PRPSAP1: variants seen among roughly 807,000 people sequenced by gnomAD.
PRPSAP1 encodes the protein phosphoribosyl pyrophosphate synthase-associated protein 1.
PRPSAP1 carries 31 observed loss-of-function variants against 39.4 expected under a neutral mutation model. The ratio of observed to expected loss-of-function variants is 0.79; its 90% CI spans 0.59 to 1.06. The LOEUF is 1.06. Ranked by LOEUF, PRPSAP1 falls within the 50% of genes least tolerant of loss-of-function variation. PRPSAP1 has a pLI of 0.00. For missense variants in PRPSAP1, 430 were observed against 511.6 expected (o/e 0.84, Z 1.54); for synonymous variants, 212 against 192.6 (o/e 1.10, Z -0.83).
chr17:76,314,228 G>GTATGTATGTATGTATGT (rs149061354), intron 7 of PRPSAP1: 4,405 of 275,198 alleles, frequency 0.016, 223 homozygotes, highest in African/African-American at 0.092. Context: ...ATGTATGTAT[G>GTATGTATGTATGTATGT]TATTTTTTGA....
intron 7 of PRPSAP1, among the ~76,000 whole-genome samples, chr17:76,321,889 A>C (rs958549924): frequency 6.6e-6 from 1 of 152,122 alleles, no homozygotes. Flanking sequence ...ACTGATACAG[A>C]GAAGTTTGAG....
chr17:76,320,266 A>C (rs980270126), intron 7 of PRPSAP1, among the ~76,000 whole-genome samples: 1 of 66,940 alleles, frequency 1.5e-5, no homozygotes, highest in Admixed American at 1.7e-4. Context: ...GAAAGAAAGA[A>C]AAGAAAGAAA....
At chr17:76,332,127 T>C in intron 4 of PRPSAP1, 136 bp downstream of exon 4, 1 of 1,079,394 alleles carries the variant, frequency 9.3e-7, no homozygotes, top group Non-Finnish European at 1.3e-6. Context: ...CGAGCTCACA[T>C]ATCCTTAGCC....
intron 7 of PRPSAP1, chr17:76,319,250 T>G (rs1473374365): frequency 6.6e-6 from 1 of 151,922 alleles, no homozygotes; most frequent in Non-Finnish European, 1.5e-5. Flanking sequence ...TTTCTCGGTC[T>G]TTATCCCACA....
chr17:76,332,550 C>G (rs1437241090), intron 3 of PRPSAP1, 115 bp from the exon 4 acceptor site: 2 of 1,202,296 alleles, frequency 1.7e-6, no homozygotes, highest in Admixed American at 4.6e-5. Flanking sequence ...GGAATTTTAC[C>G]ATCACACTAG....
In PRPSAP1 at chr17:76,353,679, G is replaced by A. The variant is rs1327929205; in HGVS notation, c.25C>T (p.Pro9Ser). ...AAAGCCGAGGACGCGGAGGGCGGGGGCAACAGCAGCAGCTTCTTGGGCATC... is the reference window on the plus strand; with the variant it reads ...AAAGCCGAGGACGCGGAGGGCGGGGACAACAGCAGCAGCTTCTTGGGCATC... MPKKLLLL[P>S]PPSASSAFRV... The change falls in exon 1 of 10, where the codon CCC becomes TCC. Residue 9 changes from proline to serine, a missense_variant. This residue lies in a region of PRPSAP1 where 152 missense variants were observed against 135.2 expected (regional missense o/e 1.12). Coordinates refer to ENST00000446526, the MANE Select transcript of PRPSAP1 (RefSeq NM_002766.3). 8 of 1,511,676 alleles carry A rather than the reference G, an allele frequency of 5.3e-6. No individual in the cohort carries two copies. The South Asian group carries it at 8.7e-5, about 16-fold the overall frequency. The allele number at this position is 1,511,676 out of a possible 1,614,324, so 93.6% of individuals were successfully genotyped here.
chr17:76,338,988 A>G (rs388283), intron 3 of PRPSAP1, among the ~76,000 whole-genome samples: 118,399 of 151,554 alleles, frequency 0.78, 46,512 homozygotes, highest in African/African-American at 0.82. Flanking sequence ...AGCCAAGGTC[A>G]CACCACTGCA....
intron 7 of PRPSAP1, among the ~76,000 whole-genome samples, chr17:76,320,305 A>AAGGAAGGGAGGAAGGG (rs71161281): frequency 7.4e-6 from 1 of 135,290 alleles, no homozygotes; most frequent in Non-Finnish European, 1.5e-5. Flanking sequence ...AAAGAAAAGA[A>AAGGAAGGGAGGAAGGG]AGGAAGGGAG....
At chr17:76,350,482 G>A (rs1034306881) in intron 1 of PRPSAP1, among the ~76,000 whole-genome samples, 11 of 152,032 alleles carry the variant, frequency 7.2e-5, no homozygotes, top group African/African-American at 2.7e-4. Flanking sequence ...TATGACATGA[G>A]GGAGCCTTGG....
At chr17:76,345,145 G>A (rs1272704350) in intron 2 of PRPSAP1, among the ~76,000 whole-genome samples, 1 of 150,318 alleles carries the variant, frequency 6.7e-6, no homozygotes, top group Non-Finnish European at 1.5e-5. Flanking sequence ...TGAGGCAGGA[G>A]AATGGCGTGA....
chr17:76,330,301 T>C (rs1216421803), intron 5 of PRPSAP1: 1 of 599,342 alleles, frequency 1.7e-6, no homozygotes, highest in East Asian at 2.8e-5. Context: ...TTTTTAAAAA[T>C]AATTCTTAAA....
At chr17:76,318,419 T>C (rs1168686524) in intron 7 of PRPSAP1, among the ~76,000 whole-genome samples, 3 of 152,140 alleles carry the variant, frequency 2.0e-5, no homozygotes, top group Non-Finnish European at 4.4e-5. Flanking sequence ...CACTGCACTC[T>C]AGTCTGGGTG....
Position 76,311,688 on chromosome 17 carries a change from T to A in PRPSAP1, c.1012A>T (p.Asn338Tyr), listed in dbSNP as rs769375351. ...ESSVDEVVVT[N>Y]TVPHEVQKLQ... ...TTCTGAACCTCATGAGGGACAGTATTCGTCACCACCACCTAGTCACACAGT... is the reference window on the plus strand; with the variant it reads ...TTCTGAACCTCATGAGGGACAGTATACGTCACCACCACCTAGTCACACAGT... The change falls in exon 10 of 10, where the codon AAT (asparagine) becomes TAT (tyrosine). Residue 338 changes from asparagine to tyrosine, a missense_variant. Physicochemically the swap from Asn to Tyr is moderately radical, Grantham distance 143 (BLOSUM62 -2). This residue lies in a region of PRPSAP1 where 278 missense variants were observed against 376.3 expected (regional missense o/e 0.74). Transcript: ENST00000446526. 3.1e-5 allele frequency: 50 copies of A among 1,613,700 alleles called. No individual in the cohort carries two copies. Among genetic ancestry groups the A allele is most frequent in the Non-Finnish European group, 1.8e-5 (21 of 1,179,908 alleles).
At chr17:76,340,544 C>T (rs569442732) in intron 3 of PRPSAP1, among the ~76,000 whole-genome samples, 9 of 151,706 alleles carry the variant, frequency 5.9e-5, no homozygotes, top group Non-Finnish European at 7.3e-5. Flanking sequence ...AATTCAACTT[C>T]GTATCACAAA....
Position 76,319,990 on chromosome 17 carries a change from C to G in PRPSAP1, c.782-6099G>C, listed in dbSNP as rs112731775. 1.1e-3 allele frequency among the ~76,000 whole-genome samples: 167 copies of G among 152,006 alleles called. 1 individual carries two copies. The highest frequency in any genetic ancestry group is 3.9e-3 in the African/African-American group (163 of 41,478). ...AACTGAGCATTAAAATAAATGTAGG[C>G]TGGGCATGGTGGCTCACATCTGTAA... On this transcript the variant is annotated intron_variant, in intron 7 of 9. Transcript: ENST00000446526.
At position 76,330,668 on chromosome 17, in the gene PRPSAP1, T is replaced by C; in HGVS notation, c.464-2A>G. 1 of 1,592,146 alleles carries C rather than the reference T, an allele frequency of 6.3e-7. No homozygotes were observed. The highest frequency in any genetic ancestry group is 8.6e-7 in the Non-Finnish European group (1 of 1,164,956). On this transcript the variant is annotated splice_acceptor_variant, in intron 4 of 9. Coordinates refer to ENST00000446526, the MANE Select transcript of PRPSAP1 (RefSeq NM_002766.3). LOFTEE classifies it high-confidence loss of function. ...CCATAGTGATAATGTGAGTTAAACCTGAAATTTTAAAACAAAAAATTACAA... is the reference window on the plus strand; with the variant it reads ...CCATAGTGATAATGTGAGTTAAACCCGAAATTTTAAAACAAAAAATTACAA...
chr17:76,330,091 T>C lies in PRPSAP1; in HGVS notation c.587A>G (p.Asn196Ser). 1.2e-6 allele frequency: 2 copies of C among 1,612,948 alleles called. No individual in the cohort carries two copies. The highest frequency in any genetic ancestry group is 1.1e-5 in the South Asian group (1 of 91,048). Reference protein sequence around the residue: ...LLQYIQEEIPNYRNAVIVAKS... With the variant: ...LLQYIQEEIPSYRNAVIVAKS... ...AGCTACAATGACTGCATTTCTGTAA[T>C]TTGGAATCTAGATTTGAAGGAAAAA... Residue 196 changes from asparagine (N) to serine (S), a missense_variant, in exon 6 of 10, where the codon AAT becomes AGT. Physicochemically the swap from Asn to Ser is conservative, Grantham distance 46. Transcript: ENST00000446526.
intron 7 of PRPSAP1, among the ~76,000 whole-genome samples, chr17:76,319,735 G>C (rs1256461115): frequency 6.6e-6 from 1 of 151,966 alleles, no homozygotes; most frequent in East Asian, 1.9e-4. Flanking sequence ...TTACAGGCGT[G>C]AGCCACCGTG....
intron 1 of PRPSAP1, among the ~76,000 whole-genome samples, chr17:76,349,286 A>T (rs1223791165): frequency 6.6e-6 from 1 of 151,844 alleles, no homozygotes; most frequent in Admixed American, 6.6e-5. Flanking sequence ...CCTGGGTAAC[A>T]AGAGCAAAAC....
Sources: gnomAD v4.1 joint callset for allele counts (sites outside exome capture counted in the v4.1 genomes callset) on GRCh38, gnomAD v4.1.1 for gene constraint, gnomAD v4.1.1 regional missense constraint, MANE v1.5 for transcripts, NCBI Gene and HGNC (gene_info 2026-07-23, HGNC 2026-07-21) for gene names.